ADCY7: variants seen among roughly 807,000 people sequenced by gnomAD.
ADCY7 encodes adenylate cyclase type 7.
In ADCY7, 72 loss-of-function variants were observed where a neutral mutation model predicts 120.6. The observed-to-expected ratio is 0.60, with a 90% CI of 0.49 to 0.73. ADCY7 has a LOEUF of 0.73. Ranked by LOEUF, ADCY7 falls within the 30% of genes least tolerant of loss-of-function variation. The pLI, the probability that ADCY7 is intolerant of heterozygous loss-of-function variation, is 0.00. For missense variants in ADCY7, 1,227 were observed against 1,486.0 expected, an observed-to-expected ratio of 0.83 and a Z score of 2.87; for synonymous variants, 661 against 628.0, an observed-to-expected ratio of 1.05 and a Z score of -0.78.
chr16:50,311,585 G>A, intron 19 of ADCY7, 108 bp from the exon 20 acceptor site: 2 of 776,230 alleles, frequency 2.6e-6, no homozygotes, highest in East Asian at 2.5e-5. Flanking sequence ...CACCCCATTA[G>A]AATCAATTTT....
At chr16:50,283,269 C>T (rs1290366048) in intron 1 of ADCY7, among the ~76,000 whole-genome samples, 4 of 152,180 alleles carry the variant, frequency 2.6e-5, no homozygotes, top group African/African-American at 4.8e-5. Context: ...CTAGAGGTTG[C>T]GTAAGCTTCA....
Position 50,304,012 on chromosome 16 carries a change from G to T in ADCY7, c.1369-348G>T, listed in dbSNP as rs142453663. 3.5e-3 allele frequency among the ~76,000 whole-genome samples: 538 copies of T among 152,146 alleles called. 2 individuals are homozygous for T. The highest frequency in any genetic ancestry group is 0.012 in the African/African-American group (509 of 41,542). ...GGAGCCTCAAGGGCAGTGGGGCCTCGGGCTTGGGACCCAAGCCCTGCCTCT... is the reference window on the plus strand; with the variant it reads ...GGAGCCTCAAGGGCAGTGGGGCCTCTGGCTTGGGACCCAAGCCCTGCCTCT... On this transcript the variant is annotated intron_variant, in intron 10 of 25. Transcript: ENST00000673801.
intron 1 of ADCY7, among the ~76,000 whole-genome samples, chr16:50,282,020 G>T (rs1489459295): frequency 6.6e-6 from 1 of 152,178 alleles, no homozygotes; most frequent in South Asian, 2.1e-4. Flanking sequence ...GGCAGGGTGT[G>T]GGCCCAGGGG....
rs191360420 is a variant in ADCY7 at position 50,306,775 on chromosome 16, G to T, written c.1753-275G>T. Among the ~76,000 whole-genome samples, 54 of 152,326 alleles carry T rather than the reference G, an allele frequency of 3.5e-4. 1 individual carries two copies. The East Asian group carries it at 0.01, about 28-fold the overall frequency. On this transcript the variant is annotated intron_variant, in intron 14 of 25. Coordinates refer to ENST00000673801, the MANE Select transcript of ADCY7 (RefSeq NM_001114.5). ...GAAAAAGCTGAGAATGGAAACAGGC[G>T]AAACTTACCAAGTGTAACATCACCT... is the stretch of plus-strand genomic sequence containing the variant.
intron 1 of ADCY7, among the ~76,000 whole-genome samples, chr16:50,260,810 C>A (rs1305946681): frequency 2.0e-5 from 3 of 152,162 alleles, no homozygotes; most frequent in African/African-American, 7.2e-5. Flanking sequence ...GTCCTCGAGC[C>A]ATGGTGTCTG....
chr16:50,246,282 C>T (rs939427183), intron 1 of ADCY7: 2 of 151,174 alleles, frequency 1.3e-5, no homozygotes, highest in East Asian at 1.9e-4. Flanking sequence ...GCCGCTGCCC[C>T]TCTCCGCGCG....
rs1320295735 is a variant in ADCY7 at position 50,292,739 on chromosome 16, A to T, written c.601A>T (p.Met201Leu). Residue 201 changes from methionine to leucine, a missense_variant, in exon 5 of 26, where the codon ATG becomes TTG. Physicochemically the swap from Met to Leu is conservative, Grantham distance 15. This residue lies in a region of ADCY7 where 382 missense variants were observed against 411.4 expected (regional missense o/e 0.93). Transcript: ENST00000673801. ...NLTGAFHKHQ[M>L]QDASRDLFTY... ...GACAGGCGCCTTCCACAAGCACCAA[A>T]TGCAGGATGCATCCCGGGACCTCTT... 5.6e-6 allele frequency: 9 copies of T among 1,613,872 alleles called. No individual in the cohort carries two copies. The highest frequency in any genetic ancestry group is 7.6e-6 in the Non-Finnish European group (9 of 1,179,988).
rs751132217 is a variant in ADCY7, at chr16:50,308,724, C to T, written c.1993C>T (p.Pro665Ser). 6.2e-5 allele frequency: 100 copies of T among 1,613,486 alleles called. No individual in the cohort carries two copies. Among genetic ancestry groups the T allele is most frequent in the Middle Eastern group, 3.3e-4 (2 of 6,048 alleles). The change falls in exon 17 of 26, where the codon CCC (proline) becomes TCC (serine). Residue 665 changes from proline to serine, a missense_variant. Pro to Ser is a moderately conservative substitution (Grantham distance 74). Coordinates refer to ENST00000673801, the MANE Select transcript of ADCY7 (RefSeq NM_001114.5). ...TATCTCTGAGAGGGTGGAGACACAGCCCCTGCTGAGGCTGACCCTGGCCGT... is the reference window on the plus strand; with the variant it reads ...TATCTCTGAGAGGGTGGAGACACAGTCCCTGCTGAGGCTGACCCTGGCCGT... ...CTISERVETQ[P>S]LLRLTLAVLT...
chr16:50,278,828 G>T (rs1302615498), intron 1 of ADCY7, among the ~76,000 whole-genome samples: 1 of 150,522 alleles, frequency 6.6e-6, no homozygotes, highest in East Asian at 2.0e-4. Flanking sequence ...GTTACTCTGG[G>T]TTGCATCTGT....
At position 50,315,656 on chromosome 16, in the gene ADCY7, G is replaced by A. The variant is rs532176249; in HGVS notation, c.*151G>A. On this transcript the variant is annotated 3_prime_UTR_variant, in exon 26 of 26. Transcript: ENST00000673801. ...TGGACCTGCACTGGAGGATTTCTCAGACACATGCACCAGATTCTGGCTCGA... is the reference window on the plus strand; with the variant it reads ...TGGACCTGCACTGGAGGATTTCTCAAACACATGCACCAGATTCTGGCTCGA... 5 of 964,822 alleles carry A rather than the reference G, an allele frequency of 5.2e-6. No individual in the cohort carries two copies. In the Admixed American group the frequency reaches 1.4e-4, roughly 27 times the overall value. 59.8% of individuals were successfully genotyped at this position (964,822 alleles called of 1,614,324 possible).
intron 1 of ADCY7, among the ~76,000 whole-genome samples, chr16:50,277,564 C>T (rs971584282): frequency 2.0e-5 from 3 of 151,986 alleles, no homozygotes; most frequent in African/African-American, 7.3e-5. Flanking sequence ...TGCTATGTTA[C>T]CCAGGCTAGA....
Position 50,299,126 on chromosome 16 carries a change from G to A in ADCY7, c.1076+95G>A, listed in dbSNP as rs1269052990. On this transcript the variant is annotated intron_variant, in intron 8 of 25. Transcript: ENST00000673801. ...GTGTCATTCTCATGTCACAGATGGG[G>A]AAACTGAGGCTCGGGGGGTTGGGGG... The A allele has an allele frequency of 8.3e-6, 12 of 1,439,026 alleles. No individual in the cohort carries two copies. The Admixed American group carries it at 2.3e-4, about 28-fold the overall frequency. The allele number at this position is 1,439,026 out of a possible 1,614,324, so 89.1% of individuals were successfully genotyped here.
chr16:50,288,481 T>C, intron 2 of ADCY7, 131 bp downstream of exon 2: 1 of 1,075,780 alleles, frequency 9.3e-7, no homozygotes. Flanking sequence ...TTTTGTTTTG[T>C]TTTTGGGTTT....
chr16:50,290,448 T>C lies in ADCY7; in HGVS notation c.172-9T>C, dbSNP rs762502126. On this transcript the variant is annotated splice_polypyrimidine_tract_variant and intron_variant, in intron 2 of 25. Coordinates refer to ENST00000673801, the MANE Select transcript of ADCY7 (RefSeq NM_001114.5). ...AGCCGAGGCATTCCTGTCTGTTTGC[T>C]CCACCCAGGACCCCTCCAGACACCA... The C allele has an allele frequency of 6.2e-7, 1 of 1,613,968 alleles. No individual in the cohort carries two copies. The highest frequency in any genetic ancestry group is 1.1e-5 in the South Asian group (1 of 91,062).
chr16:50,315,222 C>T, intron 25 of ADCY7, 84 bp downstream of exon 25: 1 of 1,576,448 alleles, frequency 6.3e-7, no homozygotes, highest in Non-Finnish European at 8.6e-7. Flanking sequence ...GAGCTGCTGT[C>T]TCACCCAGCA....
At chr16:50,306,962 G>A (rs1274729544) in intron 14 of ADCY7, 88 bp from the exon 15 acceptor site, 2 of 982,314 alleles carry the variant, frequency 2.0e-6, no homozygotes, top group Non-Finnish European at 3.1e-6. Context: ...CCAGCAGGGA[G>A]GTGTTTTTTT....
chr16:50,304,373 C>T lies in ADCY7; in HGVS notation c.1382C>T (p.Pro461Leu), dbSNP rs781054688. The T allele has an allele frequency of 1.3e-6, 2 of 1,535,986 alleles. No homozygotes were observed. The highest frequency in any genetic ancestry group is 2.5e-5 in the South Asian group (2 of 80,598). Residue 461 changes from proline (P) to leucine (L), a missense_variant, in exon 11 of 26, where the codon CCC (proline) becomes CTC (leucine). By Grantham distance (98) the Pro-to-Leu change is moderately conservative (BLOSUM62 -3). Transcript: ENST00000673801. The stretch of plus-strand genomic sequence containing the variant: ...GTCTGCCCGCAGAGCCAGCAGCCAC[C>T]CCCGCCCAGCCAACACCTCCCCAGG... ...LVIDPRSQQP[P>L]PPSQHLPRPK...
rs766450001 is a variant in ADCY7 at position 50,312,189 on chromosome 16, G to A, written c.2602G>A (p.Glu868Lys). The stretch of plus-strand genomic sequence containing the variant: ...CCACTTTATCGGTGACAAGTTAAAC[G>A]AGGTGTGCTGAGAAGGGGCTGGGGC... ...AAHFIGDKLN[E>K]DWYHQSYDCV... The change falls in exon 21 of 26, where the codon GAG becomes AAG. Residue 868 changes from glutamate (E) to lysine (K), a missense_variant and splice_region_variant. This residue lies in a region of ADCY7 where 244 missense variants were observed against 332.8 expected (regional missense o/e 0.73). Coordinates refer to ENST00000673801, the MANE Select transcript of ADCY7 (RefSeq NM_001114.5). 1.5e-5 allele frequency: 24 copies of A among 1,611,356 alleles called. No homozygotes were observed. The highest frequency in any genetic ancestry group is 1.3e-4 in the South Asian group (12 of 90,932).
At chr16:50,251,930 T>C (rs1231656266) in intron 1 of ADCY7, among the ~76,000 whole-genome samples, 1 of 152,154 alleles carries the variant, frequency 6.6e-6, no homozygotes, top group African/African-American at 2.4e-5. Flanking sequence ...GCACCTGGTG[T>C]GTGTGGGCAA....
Sources: allele counts gnomAD v4.1 joint callset (sites outside exome capture counted in the v4.1 genomes callset), GRCh38; gene constraint gnomAD v4.1.1; regional missense constraint gnomAD v4.1.1; transcripts MANE v1.5; gene names NCBI Gene and HGNC (gene_info 2026-07-23, HGNC 2026-07-21).